The following MSR1 variants were observed in gnomAD, a reference collection of about 807,000 sequenced individuals.
MSR1 encodes macrophage scavenger receptor types I and II.
In MSR1, 53 loss-of-function variants were observed where a neutral mutation model predicts 47.2. That is an observed-to-expected ratio of 1.12 (90% CI 0.90 to 1.41). The LOEUF (loss-of-function observed/expected upper bound fraction) is 1.41. Among genes scored for constraint, MSR1 ranks in the 40% most tolerant of loss-of-function variants. The probability of loss-of-function intolerance (pLI) is 0.00; values close to 1 mark genes in which losing one functional copy is unlikely to be tolerated. For missense variants in MSR1, 786 were observed against 546.9 expected, an observed-to-expected ratio of 1.44 and a Z score of -4.36; for synonymous variants, 239 against 185.6, an observed-to-expected ratio of 1.29 and a Z score of -2.34.
At chr8:16,151,397 C>T (rs1036112189) in intron 6 of MSR1, among the ~76,000 whole-genome samples, 2 of 152,098 alleles carry the variant, frequency 1.3e-5, no homozygotes, top group African/African-American at 4.8e-5. Flanking sequence ...ATCAGGCAGT[C>T]ATAGACCTCT....
At chr8:16,136,008 G>T (rs1024341086) in intron 8 of MSR1, among the ~76,000 whole-genome samples, 1 of 152,056 alleles carries the variant, frequency 6.6e-6, no homozygotes, top group African/African-American at 2.4e-5. Context: ...GGGTTTTTTT[G>T]AGATACAACC....
rs541176062 is a variant in MSR1 at position 16,168,340 on chromosome 8, A to C, written c.630+118T>G. 39 of 945,864 alleles carry C rather than the reference A, an allele frequency of 4.1e-5. No homozygotes were observed. In the African/African-American group the frequency reaches 5.1e-4, roughly 12 times the overall value. The allele number at this position is 945,864 out of a possible 1,614,324, so 58.6% of individuals were successfully genotyped here. Reference sequence around the variant, plus strand: ...TCTGGATAAGTTAGCCATAGAAATCAGGGTAAACAGGATGATGAAACAGGG... The same window carrying C: ...TCTGGATAAGTTAGCCATAGAAATCCGGGTAAACAGGATGATGAAACAGGG... On this transcript the variant is annotated intron_variant, in intron 4 of 9. Transcript: ENST00000262101.
At chr8:16,146,823 A>G (rs1271288628) in intron 7 of MSR1, among the ~76,000 whole-genome samples, 1 of 152,176 alleles carries the variant, frequency 6.6e-6, no homozygotes, top group Admixed American at 6.6e-5. Context: ...AATAATATTT[A>G]TATAATCATA....
At chr8:16,127,303 T>C (rs1800152318) in intron 8 of MSR1, among the ~76,000 whole-genome samples, 1 of 152,070 alleles carries the variant, frequency 6.6e-6, no homozygotes, top group African/African-American at 2.4e-5. Context: ...CTAGAATACA[T>C]ATGACCACTT....
At chr8:16,141,796 A>G (rs1800563464) in intron 8 of MSR1, among the ~76,000 whole-genome samples, 1 of 152,112 alleles carries the variant, frequency 6.6e-6, no homozygotes, top group South Asian at 2.1e-4. Flanking sequence ...AATGGAAGAC[A>G]GTGGGGTGCT....
intron 5 of MSR1, among the ~76,000 whole-genome samples, chr8:16,163,303 A>G (rs1460890452): frequency 6.7e-6 from 1 of 149,840 alleles, no homozygotes; most frequent in Non-Finnish European, 1.5e-5. Context: ...GTCAGATTGT[A>G]TATTTTTTTA....
At chr8:16,161,361 G>T (rs1046724460) in intron 5 of MSR1, among the ~76,000 whole-genome samples, 1 of 151,942 alleles carries the variant, frequency 6.6e-6, no homozygotes, top group Non-Finnish European at 1.5e-5. Flanking sequence ...TAGTTAAGAA[G>T]CAAGGATTTG....
At chr8:16,121,046 G>C (rs778411332) in intron 8 of MSR1, 10 of 350,422 alleles carry the variant, frequency 2.9e-5, no homozygotes, top group African/African-American at 6.6e-5. Flanking sequence ...GCGAGGAGCA[G>C]ATATTTTAGA....
chr8:16,121,338 C>G (rs1800001740), intron 8 of MSR1, among the ~76,000 whole-genome samples: 1 of 152,004 alleles, frequency 6.6e-6, no homozygotes, highest in South Asian at 2.1e-4. Flanking sequence ...TCTGTAATGT[C>G]TAATCAAAAT....
Position 16,155,589 on chromosome 8 carries a change from A to G in MSR1, c.818-445T>C, listed in dbSNP as rs1159561903. ...ACCCTCAAGGGAAAGGAAAATTCAC[A>G]CATGGTAGACAACCAGAAAGCACTT... On this transcript the variant is annotated intron_variant, in intron 5 of 9. Coordinates refer to ENST00000262101, the MANE Select transcript of MSR1 (RefSeq NM_138715.3). Among the ~76,000 whole-genome samples the G allele has an allele frequency of 1.3e-5, 2 of 152,046 alleles. 1 individual carries two copies. Among genetic ancestry groups the G allele is most frequent in the Non-Finnish European group, 2.9e-5 (2 of 67,968 alleles).
intron 1 of MSR1, among the ~76,000 whole-genome samples, chr8:16,185,019 T>C (rs1249742505): frequency 1.3e-5 from 2 of 152,084 alleles, no homozygotes; most frequent in Non-Finnish European, 1.5e-5. Flanking sequence ...TGAAGCATAC[T>C]CAGTGCAATG....
rs1309261649 is a variant in MSR1 at position 16,175,318 on chromosome 8, C to T, written c.104-18G>A. On this transcript the variant is annotated intron_variant, in intron 2 of 9. Coordinates refer to ENST00000262101, the MANE Select transcript of MSR1 (RefSeq NM_138715.3). ...TTTAGGATCTAATAAAACAAAAAAGCCCAGCCTACTGTTAGAAAGTGTTGT... is the reference window on the plus strand; with the variant it reads ...TTTAGGATCTAATAAAACAAAAAAGTCCAGCCTACTGTTAGAAAGTGTTGT... 3 of 1,582,996 alleles carry T rather than the reference C, an allele frequency of 1.9e-6. No individual in the cohort carries two copies. Among genetic ancestry groups the T allele is most frequent in the Admixed American group, 3.3e-5 (2 of 59,954 alleles).
rs1585126423 is a variant in MSR1 at position 16,108,644 on chromosome 8, A to C, written c.*1441T>G. On this transcript the variant is annotated 3_prime_UTR_variant, in exon 10 of 10. Coordinates refer to ENST00000262101, the MANE Select transcript of MSR1 (RefSeq NM_138715.3). Reference sequence around the variant, plus strand: ...TCAGAATTCATTCTCTTAACCACAAAATTATGCTGCCAGAGAAAATCAGCA... The same window carrying C: ...TCAGAATTCATTCTCTTAACCACAACATTATGCTGCCAGAGAAAATCAGCA... The C allele has an allele frequency of 6.6e-6, 1 of 152,244 alleles. No individual in the cohort carries two copies. Among genetic ancestry groups the C allele is most frequent in the East Asian group, 1.9e-4 (1 of 5,174 alleles). 9.4% of individuals were successfully genotyped at this position (152,244 alleles called of 1,614,324 possible).
chr8:16,176,344 A>G (rs1036657070), intron 2 of MSR1, among the ~76,000 whole-genome samples: 1 of 151,954 alleles, frequency 6.6e-6, no homozygotes, highest in Admixed American at 6.6e-5. Flanking sequence ...CTGGCTCTAC[A>G]AAAACTACAA....
intron 8 of MSR1, among the ~76,000 whole-genome samples, chr8:16,130,774 C>T (rs1309697694): frequency 6.6e-6 from 1 of 151,908 alleles, no homozygotes; most frequent in East Asian, 1.9e-4. Flanking sequence ...AGGATAATGG[C>T]CTCCAGTTCC....
At chr8:16,132,019 G>C (rs1270298883) in intron 8 of MSR1, among the ~76,000 whole-genome samples, 1 of 149,866 alleles carries the variant, frequency 6.7e-6, no homozygotes, top group Non-Finnish European at 1.5e-5. Flanking sequence ...TTCTAATTAC[G>C]TGAAGAATGT....
intron 1 of MSR1, among the ~76,000 whole-genome samples, chr8:16,192,080 T>C (rs544149621): frequency 2.0e-5 from 3 of 152,252 alleles, no homozygotes; most frequent in South Asian, 2.1e-4. Context: ...CAAAAAGAAC[T>C]ATATCTTATT....
In MSR1 at chr8:16,109,917, T is replaced by C. The variant is rs983789900; in HGVS notation, c.*168A>G. The C allele has an allele frequency of 1.3e-6, 1 of 749,702 alleles. No individual in the cohort carries two copies. The highest frequency in any genetic ancestry group is 2.1e-6 in the Non-Finnish European group (1 of 469,384). The allele number at this position is 749,702 out of a possible 1,614,324, so 46.4% of individuals were successfully genotyped here. On this transcript the variant is annotated 3_prime_UTR_variant, in exon 10 of 10. Transcript: ENST00000262101. ...AGTTAAAATGATTTAAATATAGACA[T>C]AAAATAGTAAGCATGAAGGTGTTCA...
intron 8 of MSR1, chr8:16,140,370 A>G (rs1349695530): frequency 1.0e-6 from 1 of 985,534 alleles, no homozygotes; most frequent in South Asian, 4.7e-5. Flanking sequence ...TTGAAGATTG[A>G]GCTGATTCCT....
Sources: gnomAD v4.1 joint callset for allele counts (sites outside exome capture counted in the v4.1 genomes callset) on GRCh38, gnomAD v4.1.1 for gene constraint, MANE v1.5 for transcripts, NCBI Gene and HGNC (gene_info 2026-07-23, HGNC 2026-07-21) for gene names.